Variants in HECTD4 observed in about 807,000 individuals in gnomAD.
The protein encoded by HECTD4 is probable E3 ubiquitin-protein ligase HECTD4.
In HECTD4, 114 loss-of-function variants were observed where a neutral mutation model predicts 471.5. That is an observed-to-expected ratio of 0.24 (90% CI 0.21 to 0.28). The LOEUF is 0.28. Among genes scored for constraint, HECTD4 ranks in the 10% least tolerant of loss-of-function variants. The pLI, the probability that HECTD4 is intolerant of heterozygous loss-of-function variation, is 1.00. For synonymous variants in HECTD4, 2,012 were observed against 2,256.0 expected (o/e 0.89, Z 3.07); for missense variants, 3,866 against 5,651.5 (o/e 0.68, Z 10.13).
chr12:112,179,291 G>C lies in HECTD4; in HGVS notation c.11094C>G (p.Val3698=), dbSNP rs764546282. ...GCTCTTTGCTAAGATAAATGTCAGA[G>C]ACTCTGATGGGCTTCGCTGGTGTCA... ...LSLTPAKPIR[V]SDIYLSKEQI... Residue 3698 remains valine, a synonymous_variant, in exon 63 of 76, where the codon GTC becomes GTG. Transcript: ENST00000682272. The surrounding 1 kb of genome is among the most constrained non-coding windows in gnomAD (Gnocchi z 4.3). 8.1e-6 allele frequency: 13 copies of C among 1,613,392 alleles called. No homozygotes were observed. The highest frequency in any genetic ancestry group is 1.1e-5 in the Non-Finnish European group (13 of 1,179,728).
At chr12:112,261,088 G>A (rs929993062) in intron 18 of HECTD4, among the ~76,000 whole-genome samples, 2 of 152,082 alleles carry the variant, frequency 1.3e-5, no homozygotes, top group African/African-American at 2.4e-5. Context: ...CCACAACCTC[G>A]CTACCCTTAG....
At chr12:112,336,253 G>T (rs1213513226) in intron 1 of HECTD4, among the ~76,000 whole-genome samples, 1 of 152,190 alleles carries the variant, frequency 6.6e-6, no homozygotes, top group Admixed American at 6.5e-5. Context: ...GCCGGGCGCG[G>T]TGGCTCATGC....
At position 112,194,126 on chromosome 12, in the gene HECTD4, T is replaced by A. The variant is rs560942830; in HGVS notation, c.8750-452A>T. On this transcript the variant is annotated intron_variant, in intron 56 of 75. Transcript: ENST00000682272. This position sits in a 1 kb window ranked among gnomAD's most constrained non-coding sequence, Gnocchi z 4.6. ...CTTTCCAGGTATATTTCAGGGCATC[T>A]AAGTTCTTGGGATGGGCTGTGGACC... 1.5e-3 allele frequency among the ~76,000 whole-genome samples: 222 copies of A among 152,330 alleles called. 1 individual carries two copies. The highest frequency in any genetic ancestry group is 4.1e-3 in the South Asian group (20 of 4,830).
Position 112,235,598 on chromosome 12 carries a change from G to C in HECTD4, c.5631C>G (p.Val1877=), listed in dbSNP as rs764702320. The C allele has an allele frequency of 1.2e-6, 2 of 1,613,928 alleles. No homozygotes were observed. Among genetic ancestry groups the C allele is most frequent in the African/African-American group, 2.7e-5 (2 of 74,940 alleles). The change falls in exon 36 of 76, where the codon GTC becomes GTG. Residue 1877 remains valine (V), a synonymous_variant. Transcript: ENST00000682272. The surrounding 1 kb of genome is among the most constrained non-coding windows in gnomAD (Gnocchi z 5.0). ...NVELPPWSYS[V]PSLNSEQEDP... is the part of the protein sequence containing the mutation. ...CCTCCTGCTCACTGTTTAAGGAGGGGACAGAGTAGCTCCAGGGTGGGAGCT... is the reference window on the plus strand; with the variant it reads ...CCTCCTGCTCACTGTTTAAGGAGGGCACAGAGTAGCTCCAGGGTGGGAGCT...
At chr12:112,372,413 C>G (rs2036696328) in intron 1 of HECTD4, among the ~76,000 whole-genome samples, 1 of 152,082 alleles carries the variant, frequency 6.6e-6, no homozygotes, top group Admixed American at 6.6e-5. Context: ...GTGCCCGCCA[C>G]CATGCCCGGC....
intron 9 of HECTD4, among the ~76,000 whole-genome samples, chr12:112,278,160 T>C (rs1300349027): frequency 6.6e-6 from 1 of 152,090 alleles, no homozygotes; most frequent in Non-Finnish European, 1.5e-5. Context: ...TATAGGTAAC[T>C]CCACAGAGAC....
At chr12:112,200,219 T>C (rs906778144) in intron 55 of HECTD4, among the ~76,000 whole-genome samples, 1 of 151,606 alleles carries the variant, frequency 6.6e-6, no homozygotes, top group Non-Finnish European at 1.5e-5. Flanking sequence ...AGTGGCACAA[T>C]CTTGGCTCAC....
At chr12:112,245,209 G>T (rs1278964589) in intron 29 of HECTD4, among the ~76,000 whole-genome samples, 3 of 152,114 alleles carry the variant, frequency 2.0e-5, no homozygotes, top group African/African-American at 4.8e-5. Flanking sequence ...CTGCTATGTG[G>T]CAAAGCCTGG....
intron 1 of HECTD4, among the ~76,000 whole-genome samples, chr12:112,337,854 T>C (rs759804981): frequency 1.3e-5 from 2 of 152,220 alleles, no homozygotes; most frequent in East Asian, 1.9e-4. Context: ...TGGAAAAATG[T>C]TGAAAGAATG....
intron 7 of HECTD4, among the ~76,000 whole-genome samples, chr12:112,289,519 T>C (rs891364118): frequency 2.6e-5 from 4 of 152,184 alleles, no homozygotes; most frequent in Admixed American, 6.5e-5. Context: ...CTGACTGTTT[T>C]ATGAAAAATG....
At chr12:112,268,898 G>T (rs1174719733) in intron 13 of HECTD4, among the ~76,000 whole-genome samples, 1 of 118,406 alleles carries the variant, frequency 8.4e-6, no homozygotes, top group Non-Finnish European at 1.7e-5. Context: ...TTTTTGAGGC[G>T]GAGTTTCGCT....
intron 1 of HECTD4, among the ~76,000 whole-genome samples, chr12:112,347,845 T>A (rs2036184263): frequency 6.6e-6 from 1 of 152,242 alleles, no homozygotes; most frequent in East Asian, 1.9e-4. Context: ...GTGTTTGCTC[T>A]CATGCCAATT....
At chr12:112,182,790 G>A (rs1191527311) in intron 62 of HECTD4, among the ~76,000 whole-genome samples, 1 of 152,248 alleles carries the variant, frequency 6.6e-6, no homozygotes, top group Non-Finnish European at 1.5e-5. Flanking sequence ...GCTGGGAGAA[G>A]GGGGAACATT....
At chr12:112,329,189 C>T (rs1397270819) in intron 1 of HECTD4, among the ~76,000 whole-genome samples, 3 of 152,138 alleles carry the variant, frequency 2.0e-5, no homozygotes, top group Non-Finnish European at 2.9e-5. Context: ...CAGCCCTGCT[C>T]CATCAAGACC....
At chr12:112,371,316 C>G (rs2036663326) in intron 1 of HECTD4, among the ~76,000 whole-genome samples, 1 of 152,136 alleles carries the variant, frequency 6.6e-6, no homozygotes, top group East Asian at 1.9e-4. Context: ...TGGTTCACAC[C>G]TGTAATCCCA....
intron 1 of HECTD4, among the ~76,000 whole-genome samples, chr12:112,371,509 A>G (rs1428964874): frequency 6.6e-6 from 1 of 151,992 alleles, no homozygotes; most frequent in Non-Finnish European, 1.5e-5. Context: ...CAAGAGGCGG[A>G]GGTTTTAGTG....
intron 1 of HECTD4, among the ~76,000 whole-genome samples, chr12:112,350,710 T>C (rs966779943): frequency 1.3e-5 from 2 of 152,176 alleles, no homozygotes; most frequent in African/African-American, 4.8e-5. Context: ...GAAAAAATAA[T>C]ACAATTTTAA....
intron 34 of HECTD4, among the ~76,000 whole-genome samples, chr12:112,238,810 T>C (rs1424878511): frequency 1.3e-5 from 2 of 152,162 alleles, no homozygotes; most frequent in African/African-American, 4.8e-5. Context: ...ATCTTCTCAA[T>C]TTCCTGGGAT....
At chr12:112,282,768 C>G (rs1255291247) in intron 8 of HECTD4, among the ~76,000 whole-genome samples, 1 of 152,158 alleles carries the variant, frequency 6.6e-6, no homozygotes, top group Non-Finnish European at 1.5e-5. Flanking sequence ...TTTGCTTGGT[C>G]AAGACTGTAT....
Sources: gnomAD v4.1 joint callset for allele counts (sites outside exome capture counted in the v4.1 genomes callset) on GRCh38, gnomAD v4.1.1 for gene constraint, Gnocchi (gnomAD v3.1) non-coding constraint, MANE v1.5 for transcripts, NCBI Gene and HGNC (gene_info 2026-07-23, HGNC 2026-07-21) for gene names.